Variants in RFX3 observed in about 807,000 individuals in gnomAD.
The protein encoded by RFX3 is transcription factor RFX3.
RFX3 carries 14 observed loss-of-function variants against 98.6 expected under a neutral mutation model. The observed-to-expected ratio is 0.14, with a 90% CI of 0.09 to 0.22. RFX3 has a LOEUF of 0.22. Among genes scored for constraint, RFX3 ranks in the 10% least tolerant of loss-of-function variants. The pLI, the probability that RFX3 is intolerant of heterozygous loss-of-function variation, is 1.00. For synonymous variants in RFX3, 383 were observed against 328.4 expected (o/e 1.17, Z -1.80); for missense variants, 639 against 926.9 (o/e 0.69, Z 4.03).
chr9:3,516,173 C>A (rs373654313), intron 1 of RFX3, among the ~76,000 whole-genome samples: 2 of 152,042 alleles, frequency 1.3e-5, no homozygotes, highest in Admixed American at 1.3e-4. Context: ...CTCAGCCTCC[C>A]GAGTAGCTAG....
intron 12 of RFX3, among the ~76,000 whole-genome samples, chr9:3,265,676 A>G (rs752049954): frequency 1.3e-5 from 2 of 152,190 alleles, no homozygotes; most frequent in African/African-American, 2.4e-5. Flanking sequence ...TTCCTGAGAT[A>G]TATTGATTAA....
intron 1 of RFX3, among the ~76,000 whole-genome samples, chr9:3,418,918 C>T (rs1305766463): frequency 6.6e-6 from 1 of 152,116 alleles, no homozygotes; most frequent in East Asian, 1.9e-4. Flanking sequence ...TTTGGATTAA[C>T]CAATACATTT....
At chr9:3,422,280 T>C (rs1251235661) in intron 1 of RFX3, among the ~76,000 whole-genome samples, 1 of 152,186 alleles carries the variant, frequency 6.6e-6, no homozygotes, top group African/African-American at 2.4e-5. Flanking sequence ...ACAATGGCTA[T>C]GTTCTACATT....
intron 4 of RFX3, among the ~76,000 whole-genome samples, chr9:3,314,407 A>G (rs1232956459): frequency 3.9e-5 from 6 of 152,218 alleles, no homozygotes; most frequent in African/African-American, 1.2e-4. Flanking sequence ...GGTACCAGCC[A>G]CTGCAAAAAC....
chr9:3,380,743 A>C (rs914454985), intron 2 of RFX3, among the ~76,000 whole-genome samples: 14 of 152,222 alleles, frequency 9.2e-5, no homozygotes, highest in African/African-American at 2.9e-4. Context: ...TAGAAATATA[A>C]TTTAAGCTCA....
chr9:3,469,911 T>G (rs1848627396), intron 1 of RFX3, among the ~76,000 whole-genome samples: 1 of 151,956 alleles, frequency 6.6e-6, no homozygotes, highest in East Asian at 1.9e-4. Flanking sequence ...AGGAAGCCTT[T>G]TCGAAGTACA....
rs796887739 is a variant in RFX3, at chr9:3,504,958, T to C, written c.-9+20789A>G. On this transcript the variant is annotated intron_variant, in intron 1 of 16. Transcript: ENST00000617270. ...ATAATATATATAATATAATATATAT[T>C]ATATATAATATATATTATATAATAT... 5.4e-3 allele frequency among the ~76,000 whole-genome samples: 329 copies of C among 60,488 alleles called. 21 individuals are homozygous for C. The highest frequency in any genetic ancestry group is 0.033 in the African/African-American group (318 of 9,670). The allele number at this position is 60,488 out of a possible 152,430, so 39.7% of individuals were successfully genotyped here.
intron 12 of RFX3, among the ~76,000 whole-genome samples, chr9:3,263,824 A>G (rs1475252919): frequency 1.3e-5 from 2 of 152,142 alleles, no homozygotes; most frequent in Non-Finnish European, 2.9e-5. Flanking sequence ...GGTTTGACCA[A>G]TAACAGGCAC....
chr9:3,256,665 G>T (rs982503577), intron 14 of RFX3, among the ~76,000 whole-genome samples: 2 of 152,170 alleles, frequency 1.3e-5, no homozygotes, highest in East Asian at 3.9e-4. Context: ...AATGTATGTT[G>T]CAAGAGGGAG....
chr9:3,391,569 T>G (rs1346427741), intron 2 of RFX3, among the ~76,000 whole-genome samples: 1 of 152,172 alleles, frequency 6.6e-6, no homozygotes. Context: ...AAAATATGCC[T>G]GTTGGGAGTG....
At chr9:3,268,589 T>C (rs1235010072) in intron 11 of RFX3, among the ~76,000 whole-genome samples, 1 of 151,950 alleles carries the variant, frequency 6.6e-6, no homozygotes. Flanking sequence ...ATGCATCTTA[T>C]AATTTCAGAG....
At chr9:3,477,465 C>T (rs146412073) in intron 1 of RFX3, among the ~76,000 whole-genome samples, 1 of 152,272 alleles carries the variant, frequency 6.6e-6, no homozygotes, top group African/African-American at 2.4e-5. Context: ...TAGAGAATTA[C>T]TGGTTGACAG....
At chr9:3,235,098 G>T (rs1455345599) in intron 15 of RFX3, among the ~76,000 whole-genome samples, 1 of 152,250 alleles carries the variant, frequency 6.6e-6, no homozygotes, top group Non-Finnish European at 1.5e-5. Context: ...AAGAAGTCGA[G>T]AATGACAGAA....
At chr9:3,366,719 T>TTTCTTTCTTTCTTTCTTTC in intron 2 of RFX3, among the ~76,000 whole-genome samples, 1 of 144,570 alleles carries the variant, frequency 6.9e-6, no homozygotes, top group South Asian at 2.2e-4. Context: ...TCTTTCTTTC[T>TTTCTTTCTTTCTTTCTTTC]TTCTTTCTTT....
At chr9:3,322,303 G>GT (rs1001208678) in intron 4 of RFX3, among the ~76,000 whole-genome samples, 6 of 152,076 alleles carry the variant, frequency 3.9e-5, no homozygotes, top group African/African-American at 1.4e-4. Context: ...AACTTTAGGT[G>GT]TTTTTTATTC....
intron 1 of RFX3, among the ~76,000 whole-genome samples, chr9:3,499,009 A>C (rs1393747937): frequency 1.3e-5 from 2 of 152,138 alleles, no homozygotes; most frequent in Non-Finnish European, 2.9e-5. Flanking sequence ...CATCCTATTA[A>C]AAACAAGTCA....
rs1194535225 is a variant in RFX3 at position 3,221,344 on chromosome 9, T to C, written c.*3698A>G. 1 of 152,230 alleles carries C rather than the reference T, an allele frequency of 6.6e-6. No individual in the cohort carries two copies. Among genetic ancestry groups the C allele is most frequent in the African/African-American group, 2.4e-5 (1 of 41,476 alleles). 9.4% of individuals were successfully genotyped at this position (152,230 alleles called of 1,614,324 possible). A position where few individuals can be genotyped will look rare whatever the true frequency, so the allele number is the denominator to read the frequency against. Reference sequence around the variant, plus strand: ...TCATGATTACGGCACTAAAACCGTATTCATTCCTGAATAACTTTTACAGCA... The same window carrying C: ...TCATGATTACGGCACTAAAACCGTACTCATTCCTGAATAACTTTTACAGCA... On this transcript the variant is annotated 3_prime_UTR_variant, in exon 17 of 17. Transcript: ENST00000617270.
chr9:3,280,694 T>C (rs1408616283), intron 7 of RFX3, among the ~76,000 whole-genome samples: 2 of 151,778 alleles, frequency 1.3e-5, no homozygotes, highest in Admixed American at 6.6e-5. Context: ...TATCAATATC[T>C]AGGTAGTTTT....
intron 1 of RFX3, among the ~76,000 whole-genome samples, chr9:3,435,772 T>C (rs913688402): frequency 2.1e-5 from 3 of 142,442 alleles, no homozygotes; most frequent in Admixed American, 1.5e-4. Flanking sequence ...TTTCTTTTGA[T>C]ATCCTTATAC....
Sources: gnomAD v4.1 joint callset for allele counts (sites outside exome capture counted in the v4.1 genomes callset) on GRCh38, gnomAD v4.1.1 for gene constraint, MANE v1.5 for transcripts, NCBI Gene and HGNC (gene_info 2026-07-23, HGNC 2026-07-21) for gene names.